The following TRIM65 variants were observed in gnomAD, a reference collection of about 807,000 sequenced individuals.
TRIM65 encodes E3 ubiquitin-protein ligase TRIM65.
A neutral mutation model predicts 36.1 loss-of-function variants in TRIM65; 46 were observed. That is an observed-to-expected ratio of 1.27 (90% CI 1.01 to 1.63). TRIM65 has a LOEUF of 1.63. Among genes scored for constraint, TRIM65 ranks in the 40% most tolerant of loss-of-function variants. The pLI, the probability that TRIM65 is intolerant of heterozygous loss-of-function variation, is 0.00. For synonymous variants in TRIM65, 346 were observed against 313.6 expected, an observed-to-expected ratio of 1.10 and a Z score of -1.09; for missense variants, 708 against 696.6, an observed-to-expected ratio of 1.02 and a Z score of -0.18.
Position 75,890,805 on chromosome 17 carries a change from C to A in TRIM65, c.1528G>T (p.Gly510Trp). ...CHQPGAVFPL[G>W]PQEEVLS ...CAGCTGAGCACCTCTTCCTGGGGCC[C>A]CAGAGGGAACACAGCCCCTGGCTGA... Residue 510 changes from glycine (G) to tryptophan (W), a missense_variant, in exon 6 of 6, where the codon GGG (glycine) becomes TGG (tryptophan). Gly to Trp is a radical substitution (Grantham distance 184). Transcript: ENST00000269383. The A allele has an allele frequency of 6.7e-7, 1 of 1,500,186 alleles. No individual in the cohort carries two copies. The highest frequency in any genetic ancestry group is 8.9e-7 in the Non-Finnish European group (1 of 1,126,280). The allele number at this position is 1,500,186 out of a possible 1,614,324, so 92.9% of individuals were successfully genotyped here. A position where few individuals can be genotyped will look rare whatever the true frequency, so the allele number is the denominator to read the frequency against.
Position 75,891,809 on chromosome 17 carries a change from T to G in TRIM65, c.985+4A>C. On this transcript the variant is annotated splice_donor_region_variant and intron_variant, in intron 5 of 5. Coordinates refer to ENST00000269383, the MANE Select transcript of TRIM65 (RefSeq NM_173547.4). ...GGGCACACATACACGAACGGCCTCCTTACTCTGCCAGAGTTTCCTCCTCAG... is the reference window on the plus strand; with the variant it reads ...GGGCACACATACACGAACGGCCTCCGTACTCTGCCAGAGTTTCCTCCTCAG... The G allele has an allele frequency of 6.2e-7, 1 of 1,609,548 alleles. No individual in the cohort carries two copies. Among genetic ancestry groups the G allele is most frequent in the Non-Finnish European group, 8.5e-7 (1 of 1,177,828 alleles).
chr17:75,881,180 G>A (rs2065166718), intron 4 of TRIM65, among the ~76,000 whole-genome samples: 1 of 140,026 alleles, frequency 7.1e-6, no homozygotes, highest in African/African-American at 2.7e-5. Context: ...AACCAAGGAG[G>A]CAGAGGTTGT....
Position 75,890,648 on chromosome 17 carries a change from C to T in TRIM65, c.*131G>A, listed in dbSNP as rs2144046845. On this transcript the variant is annotated 3_prime_UTR_variant, in exon 6 of 6. Coordinates refer to ENST00000269383, the MANE Select transcript of TRIM65 (RefSeq NM_173547.4). ...ACTCTGCGTTTATGCTCACCTCCCC[C>T]AACCTCCCATCTCTTTCTGAGTTAA... The T allele has an allele frequency of 1.3e-6, 1 of 768,046 alleles. No homozygotes were observed. The highest frequency in any genetic ancestry group is 2.0e-6 in the Non-Finnish European group (1 of 508,102). The allele number at this position is 768,046 out of a possible 1,614,324, so 47.6% of individuals were successfully genotyped here.
intron 4 of TRIM65, among the ~76,000 whole-genome samples, chr17:75,880,804 C>T: frequency 6.7e-6 from 1 of 150,328 alleles, no homozygotes. Context: ...GTCCACCTCT[C>T]CCACCGGGTC....
chr17:75,895,177 C>T (rs1230566857), intron 1 of TRIM65, among the ~76,000 whole-genome samples: 1 of 152,176 alleles, frequency 6.6e-6, no homozygotes, highest in Non-Finnish European at 1.5e-5. Context: ...TGCTGTCCCC[C>T]GTGTCCCCTC....
In TRIM65 at chr17:75,891,276, C is replaced by A; in HGVS notation, c.1057G>T (p.Val353Leu). 2 of 1,613,044 alleles carry A rather than the reference C, an allele frequency of 1.2e-6. No individual in the cohort carries two copies. The highest frequency in any genetic ancestry group is 1.7e-6 in the Non-Finnish European group (2 of 1,179,856). The change falls in exon 6 of 6, where the codon GTG becomes TTG. Residue 353 changes from valine (V) to leucine (L), a missense_variant. Val to Leu is a conservative substitution (Grantham distance 32). Transcript: ENST00000269383. ...CCCCGGGACTGACGACAGTGCTTCA[C>A]CTGCTGGTCCTGGCGCGACAGATAG... is the stretch of plus-strand genomic sequence containing the variant. ...HFYLSRQDQQ[V>L]KHCRQSRGPG...
chr17:75,890,888 T>C lies in TRIM65; in HGVS notation c.1445A>G (p.Asn482Ser), dbSNP rs1183860041. The change falls in exon 6 of 6, where the codon AAC (asparagine) becomes AGC (serine). Residue 482 changes from asparagine (N) to serine (S), a missense_variant. Transcript: ENST00000269383. ...CCAGAAGACGGGGGTGAGGGGCTGG[T>C]TGAAGAGGGCATGGAAGGTGTACAG... is the stretch of plus-strand genomic sequence containing the variant. ...QPLYTFHALF[N>S]QPLTPVFWLL... 2.0e-6 allele frequency: 3 copies of C among 1,533,892 alleles called. No homozygotes were observed. Among genetic ancestry groups the C allele is most frequent in the Non-Finnish European group, 1.7e-6 (2 of 1,143,838 alleles).
At chr17:75,892,571 G>A in intron 2 of TRIM65, 71 bp from the exon 3 acceptor site, 1 of 1,435,832 alleles carries the variant, frequency 7.0e-7, no homozygotes. Context: ...TAGGGCCAGG[G>A]CTGCCTGCTG....
At chr17:75,887,153 TTAAA>T (rs1445576817), downstream of TRIM65, among the ~76,000 whole-genome samples, 13 of 20,110 alleles carry the variant, frequency 6.5e-4, no homozygotes, top group African/African-American at 2.4e-3. Context: ...GCCCCATCTC[TTAAA>T]AAAAAAAAAA....
downstream of TRIM65, among the ~76,000 whole-genome samples, chr17:75,884,051 T>C (rs1740014573): frequency 6.6e-6 from 1 of 151,802 alleles, no homozygotes; most frequent in Non-Finnish European, 1.5e-5. Context: ...GGCAGGAGAA[T>C]TGCTTGAACC....
Position 75,896,945 on chromosome 17 carries a change from C to T in TRIM65, c.-8G>A. ...CAGCAGCTGCGCGGCCATGGCCCGG[C>T]GGCGGCGAGAGCCAGGCGGGCCCCG... On this transcript the variant is annotated 5_prime_UTR_variant, in exon 1 of 6. Coordinates refer to ENST00000269383, the MANE Select transcript of TRIM65 (RefSeq NM_173547.4). The T allele has an allele frequency of 6.7e-7, 1 of 1,486,002 alleles. No individual in the cohort carries two copies. The highest frequency in any genetic ancestry group is 1.3e-5 in the South Asian group (1 of 79,302). 92.1% of individuals were successfully genotyped at this position (1,486,002 alleles called of 1,614,324 possible).
rs1248796532 is a variant in TRIM65, at chr17:75,896,882, T to TAGAGCCCCAGGC, written c.44_55dup (p.Cys15_Leu18dup). 5.9e-6 allele frequency: 9 copies of TAGAGCCCCAGGC among 1,528,714 alleles called. No homozygotes were observed. The highest frequency in any genetic ancestry group is 1.4e-5 in the African/African-American group (1 of 70,930). The allele number at this position is 1,528,714 out of a possible 1,614,324, so 94.7% of individuals were successfully genotyped here. ...GCAGGGCAGCGTCACTGGGTCCTGG[T>TAGAGCCCCAGGC]AGAGCCCCAGGCAGATGGCGCAGGT... On this transcript the variant is annotated inframe_insertion, in exon 1 of 6. Transcript: ENST00000269383.
chr17:75,883,274 GA>G (rs1273055400), intron 4 of TRIM65, among the ~76,000 whole-genome samples: 1 of 143,686 alleles, frequency 7.0e-6, no homozygotes, highest in Non-Finnish European at 1.5e-5. Context: ...GCACTACCAC[GA>G]CCAGCTAATT....
Position 75,896,595 on chromosome 17 carries a change from T to G in TRIM65, c.343A>C (p.Ser115Arg). 7.8e-7 allele frequency: 1 copy of G among 1,284,010 alleles called. No individual in the cohort carries two copies. Among genetic ancestry groups the G allele is most frequent in the Non-Finnish European group, 9.8e-7 (1 of 1,018,190 alleles). The allele number at this position is 1,284,010 out of a possible 1,614,324, so 79.5% of individuals were successfully genotyped here. Residue 115 changes from serine to arginine, a missense_variant, in exon 1 of 6, where the codon AGC (serine) becomes CGC (arginine). Coordinates refer to ENST00000269383, the MANE Select transcript of TRIM65 (RefSeq NM_173547.4). ...CGACACTCGCGCACGGTGCACACGC[T>G]GCACACACAGCGGCCCTCGGTCCGG... ...FCRTEGRCVCSVCTVRECRLH... is the reference protein window; with the variant it reads ...FCRTEGRCVCRVCTVRECRLH...
In TRIM65 at chr17:75,896,815, G is replaced by T; in HGVS notation, c.123C>A (p.Asp41Glu). 1 of 1,515,692 alleles carries T rather than the reference G, an allele frequency of 6.6e-7. No homozygotes were observed. The highest frequency in any genetic ancestry group is 1.2e-5 in the South Asian group (1 of 81,414). 93.9% of individuals were successfully genotyped at this position (1,515,692 alleles called of 1,614,324 possible). A position where few individuals can be genotyped will look rare whatever the true frequency, so the allele number is the denominator to read the frequency against. ...ACTCGGGGCACGCCTTTCCGCAGCG[G>T]TCCCACCAGTCCCGGATGCAGGCCC... Reference protein sequence around the residue: ...FCGACIRDWWDRCGKACPECR... With the variant: ...FCGACIRDWWERCGKACPECR... The change falls in exon 1 of 6, where the codon GAC (aspartate) becomes GAA (glutamate). Residue 41 changes from aspartate to glutamate, a missense_variant. Physicochemically the swap from Asp to Glu is conservative, Grantham distance 45. Coordinates refer to ENST00000269383, the MANE Select transcript of TRIM65 (RefSeq NM_173547.4).
At chr17:75,881,588 C>G (rs144366499) in intron 4 of TRIM65, among the ~76,000 whole-genome samples, 1 of 150,694 alleles carries the variant, frequency 6.6e-6, no homozygotes, top group Non-Finnish European at 1.5e-5. Flanking sequence ...TGAGGCTCCG[C>G]CCACCTGAAG....
At chr17:75,885,664 T>G (rs932306888), downstream of TRIM65, among the ~76,000 whole-genome samples, 1 of 151,802 alleles carries the variant, frequency 6.6e-6, no homozygotes, top group East Asian at 1.9e-4. Flanking sequence ...TACTTCTTCA[T>G]TTTTGAAAAG....
At chr17:75,894,440 C>T (rs983314005) in intron 1 of TRIM65, among the ~76,000 whole-genome samples, 2 of 152,360 alleles carry the variant, frequency 1.3e-5, no homozygotes, top group South Asian at 2.1e-4. Flanking sequence ...GCATCCTGCC[C>T]GTTCTCTTCC....
At chr17:75,888,104 C>G (rs1024902436), downstream of TRIM65, among the ~76,000 whole-genome samples, 1 of 150,532 alleles carries the variant, frequency 6.6e-6, no homozygotes, top group South Asian at 2.1e-4. Context: ...TGCAGTGAGC[C>G]GAGATTGAGC....
Sources: gnomAD v4.1 joint callset for allele counts (sites outside exome capture counted in the v4.1 genomes callset) on GRCh38, gnomAD v4.1.1 for gene constraint, MANE v1.5 for transcripts, NCBI Gene and HGNC (gene_info 2026-07-23, HGNC 2026-07-21) for gene names.